The following CTNNBL1 variants were observed in gnomAD, a reference collection of about 807,000 sequenced individuals.
CTNNBL1 encodes catenin beta like 1, also known as beta-catenin-like protein 1.
In CTNNBL1, 31 loss-of-function variants were observed where a neutral mutation model predicts 72.7. The ratio of observed to expected loss-of-function variants is 0.43; its 90% CI spans 0.32 to 0.58. The LOEUF (loss-of-function observed/expected upper bound fraction) is 0.58, where lower values mean the gene tolerates loss of function less well. Among genes scored for constraint, CTNNBL1 ranks in the 20% least tolerant of loss-of-function variants. The probability of loss-of-function intolerance (pLI) is 0.08; values close to 1 mark genes in which losing one functional copy is unlikely to be tolerated. For synonymous variants in CTNNBL1, 240 were observed against 267.3 expected (o/e 0.90, Z 1.00); for missense variants, 534 against 725.1 (o/e 0.74, Z 3.03).
chr20:37,810,007 G>A (rs1000938076), intron 11 of CTNNBL1, among the ~76,000 whole-genome samples: 1 of 152,046 alleles, frequency 6.6e-6, no homozygotes, highest in African/African-American at 2.4e-5. Flanking sequence ...CTGTCCTGTA[G>A]TAGTTTTCAA....
At chr20:37,733,210 G>A (rs978931690) in intron 2 of CTNNBL1, 143 bp downstream of exon 2, 4 of 704,272 alleles carry the variant, frequency 5.7e-6, no homozygotes, top group Non-Finnish European at 4.7e-6. Context: ...TTAATGTGAA[G>A]GTTAAGTGGG....
At chr20:37,764,877 G>A (rs890183198) in intron 5 of CTNNBL1, among the ~76,000 whole-genome samples, 2 of 152,034 alleles carry the variant, frequency 1.3e-5, no homozygotes, top group African/African-American at 4.8e-5. Flanking sequence ...ACGAGCACAG[G>A]GCTTGGTTTC....
chr20:37,841,869 A>G (rs1298291753), intron 12 of CTNNBL1, among the ~76,000 whole-genome samples: 1 of 152,218 alleles, frequency 6.6e-6, no homozygotes, highest in Non-Finnish European at 1.5e-5. Context: ...AAAAGCAACT[A>G]AAAAGATTTT....
At chr20:37,714,471 T>C (rs534161796) in intron 1 of CTNNBL1, among the ~76,000 whole-genome samples, 2 of 152,374 alleles carry the variant, frequency 1.3e-5, no homozygotes, top group Admixed American at 6.5e-5. Context: ...GCCCTAGTCA[T>C]AGATAACTTG....
chr20:37,823,814 G>A (rs561035632), intron 11 of CTNNBL1, among the ~76,000 whole-genome samples: 13 of 152,300 alleles, frequency 8.5e-5, no homozygotes, highest in African/African-American at 2.9e-4. Context: ...TGCTGATGAG[G>A]GAGAATGTAG....
intron 10 of CTNNBL1, among the ~76,000 whole-genome samples, chr20:37,798,863 C>T (rs546012895): frequency 6.6e-6 from 1 of 152,156 alleles, no homozygotes; most frequent in Non-Finnish European, 1.5e-5. Context: ...TCCTGAGTGA[C>T]TAAACAATAC....
rs1368304027 is a variant in CTNNBL1, at chr20:37,840,182, G to A, written c.1294G>A (p.Glu432Lys). Residue 432 changes from glutamate (E) to lysine (K), a missense_variant, in exon 12 of 16, where the codon GAA becomes AAA. Glu to Lys is a moderately conservative substitution (Grantham distance 56). Coordinates refer to ENST00000361383, the MANE Select transcript of CTNNBL1 (RefSeq NM_030877.5). ...QRTRLLNKFTENDSEKVDRLM... is the reference protein window; with the variant it reads ...QRTRLLNKFTKNDSEKVDRLM... The stretch of plus-strand genomic sequence containing the variant: ...GACCCGGCTTCTGAATAAATTCACT[G>A]AAAATGACAGTGAGAAGGTGGGTGA... 1 of 1,612,956 alleles carries A rather than the reference G, an allele frequency of 6.2e-7. No homozygotes were observed. Among genetic ancestry groups the A allele is most frequent in the Admixed American group, 1.7e-5 (1 of 59,974 alleles).
intron 4 of CTNNBL1, among the ~76,000 whole-genome samples, chr20:37,756,804 A>ATT (rs1202384708): frequency 0.037 from 5,260 of 142,782 alleles, 305 homozygotes; most frequent in African/African-American, 0.13. Flanking sequence ...TGCCTGGCTG[A>ATT]TTTTTTTTTT....
rs1211861183 is a variant in CTNNBL1, at chr20:37,825,720, CTCAGCCAG to C, written c.1214-14379_1214-14372del. 3.9e-5 allele frequency among the ~76,000 whole-genome samples: 6 copies of C among 152,284 alleles called. No individual in the cohort carries two copies. In the East Asian group the frequency reaches 1.2e-3, roughly 29 times the overall value. ...GAATGGATATTAGGCAACTGGCAGT[CTCAGCCAG>C]TCTGATTGCTGCCCCTTGGTGTATA... On this transcript the variant is annotated intron_variant, in intron 11 of 15. Transcript: ENST00000361383.
chr20:37,847,300 G>C (rs779722341), intron 13 of CTNNBL1, among the ~76,000 whole-genome samples: 46 of 152,160 alleles, frequency 3.0e-4, no homozygotes, highest in Non-Finnish European at 6.5e-4. Flanking sequence ...CTAGCAAAGA[G>C]TTCCATGTCT....
chr20:37,871,219 G>A (rs2072581145), intron 15 of CTNNBL1, among the ~76,000 whole-genome samples: 1 of 152,120 alleles, frequency 6.6e-6, no homozygotes, highest in Non-Finnish European at 1.5e-5. Context: ...ATGCAGTGCT[G>A]CTGCTGCTGC....
intron 11 of CTNNBL1, among the ~76,000 whole-genome samples, chr20:37,825,022 A>G (rs1363456665): frequency 6.6e-6 from 1 of 152,224 alleles, no homozygotes; most frequent in Non-Finnish European, 1.5e-5. Context: ...AGCTGGTCAC[A>G]GTATCCCTCC....
chr20:37,787,900 G>A (rs1044783992), intron 10 of CTNNBL1, among the ~76,000 whole-genome samples: 1 of 151,762 alleles, frequency 6.6e-6, no homozygotes, highest in African/African-American at 2.4e-5. Flanking sequence ...GTCTATGAAC[G>A]TTTGAAATTG....
Position 37,737,381 on chromosome 20 carries a change from G to A in CTNNBL1, c.223G>A (p.Glu75Lys), listed in dbSNP as rs1568757499. The change falls in exon 3 of 16, where the codon GAG (glutamate) becomes AAG (lysine). Residue 75 changes from glutamate (E) to lysine (K), a missense_variant. Physicochemically the swap from Glu to Lys is moderately conservative, Grantham distance 56 (BLOSUM62 1). Coordinates refer to ENST00000361383, the MANE Select transcript of CTNNBL1 (RefSeq NM_030877.5). ...TGCATTTGTCTCTTTGTACCAGGAG[G>A]AGCCATTGGATGAAAGCTCAGTGAA... Reference protein sequence around the residue: ...RDGEEEEEEEEPLDESSVKKM... With the variant: ...RDGEEEEEEEKPLDESSVKKM... The A allele has an allele frequency of 6.2e-7, 1 of 1,611,132 alleles. No homozygotes were observed.
chr20:37,780,073 A>G (rs1370422664), intron 10 of CTNNBL1, among the ~76,000 whole-genome samples: 1 of 151,902 alleles, frequency 6.6e-6, no homozygotes. Context: ...GACTTAAAAA[A>G]AAAAATCGAG....
intron 13 of CTNNBL1, among the ~76,000 whole-genome samples, chr20:37,858,507 C>T (rs142298450): frequency 1.3e-5 from 2 of 152,202 alleles, no homozygotes; most frequent in Non-Finnish European, 2.9e-5. Flanking sequence ...TTGAACCATA[C>T]CCCGGAATCC....
chr20:37,716,488 C>G (rs2072987444), intron 1 of CTNNBL1, among the ~76,000 whole-genome samples: 2 of 152,150 alleles, frequency 1.3e-5, no homozygotes, highest in Non-Finnish European at 1.5e-5. Context: ...CTAAGAATAA[C>G]TCATTCACCA....
chr20:37,845,646 AG>A (rs1320707889), intron 13 of CTNNBL1, among the ~76,000 whole-genome samples: 1 of 152,210 alleles, frequency 6.6e-6, no homozygotes, highest in Non-Finnish European at 1.5e-5. Context: ...AAAGTGACTT[AG>A]AACAATACGA....
chr20:37,803,341 T>C (rs903333937), intron 11 of CTNNBL1, among the ~76,000 whole-genome samples: 3 of 152,162 alleles, frequency 2.0e-5, no homozygotes, highest in African/African-American at 4.8e-5. Context: ...GCGAGGTGTC[T>C]CTCTGATGGA....
Sources: gnomAD v4.1 joint callset for allele counts (sites outside exome capture counted in the v4.1 genomes callset) on GRCh38, gnomAD v4.1.1 for gene constraint, MANE v1.5 for transcripts, NCBI Gene and HGNC (gene_info 2026-07-23, HGNC 2026-07-21) for gene names.